Variants in DOCK10 observed in about 807,000 individuals in gnomAD.
DOCK10 encodes dedicator of cytokinesis 10, also known as dedicator of cytokinesis protein 10.
A neutral mutation model predicts 280.1 loss-of-function variants in DOCK10; 145 were observed. The ratio of observed to expected loss-of-function variants is 0.52; its 90% CI spans 0.45 to 0.59. The LOEUF (loss-of-function observed/expected upper bound fraction) is 0.59, where lower values mean the gene tolerates loss of function less well. Ranked by LOEUF, DOCK10 falls within the 20% of genes least tolerant of loss-of-function variation. The probability of loss-of-function intolerance (pLI) is 0.00; values close to 1 mark genes in which losing one functional copy is unlikely to be tolerated. For missense variants in DOCK10, 2,368 were observed against 2,651.7 expected, an observed-to-expected ratio of 0.89 and a Z score of 2.35; for synonymous variants, 915 against 942.2, an observed-to-expected ratio of 0.97 and a Z score of 0.53.
chr2:224,863,440 A>G (rs987299354), intron 13 of DOCK10, among the ~76,000 whole-genome samples: 1 of 152,028 alleles, frequency 6.6e-6, no homozygotes, highest in African/African-American at 2.4e-5. Flanking sequence ...ATAGACTTTT[A>G]ATATTTCTTT....
In DOCK10 at chr2:224,812,851, T is replaced by C. The variant is rs573777667; in HGVS notation, c.3409+1469A>G. 9.9e-5 allele frequency among the ~76,000 whole-genome samples: 15 copies of C among 152,270 alleles called. No homozygotes were observed. The East Asian group carries it at 2.9e-3, about 29-fold the overall frequency. On this transcript the variant is annotated intron_variant, in intron 31 of 55. Transcript: ENST00000258390. Reference sequence around the variant, plus strand: ...AGGGATGAAGCCCACTTGATCATGGTGGATAAGCTTTTTGATGTGCTGCTG... The same window carrying C: ...AGGGATGAAGCCCACTTGATCATGGCGGATAAGCTTTTTGATGTGCTGCTG...
chr2:224,841,700 G>C, intron 23 of DOCK10, 104 bp downstream of exon 23: 1 of 666,124 alleles, frequency 1.5e-6, no homozygotes, highest in Non-Finnish European at 2.7e-6. Context: ...AAAAAATCTT[G>C]AGTAATAATC....
rs374588088 is a variant in DOCK10 at position 224,834,170 on chromosome 2, T to C, written c.2944A>G (p.Thr982Ala). ...TGLLKSNDST[T>A]VKHVLKHSWF... Reference sequence around the variant, plus strand: ...CTTACCTTTAGGACATGCTTTACTGTTGTTGAGTCATTTGATTTCAAAAGA... The same window carrying C: ...CTTACCTTTAGGACATGCTTTACTGCTGTTGAGTCATTTGATTTCAAAAGA... The change falls in exon 26 of 56, where the codon ACA becomes GCA. Residue 982 changes from threonine (T) to alanine (A), a missense_variant. Coordinates refer to ENST00000258390, the MANE Select transcript of DOCK10 (RefSeq NM_014689.3). 3.2e-5 allele frequency: 51 copies of C among 1,610,412 alleles called. No homozygotes were observed. In the African/African-American group the frequency reaches 6.3e-4, roughly 20 times the overall value.
At chr2:224,961,474 T>TTCTTTTTCTC in intron 1 of DOCK10, among the ~76,000 whole-genome samples, 1 of 145,938 alleles carries the variant, frequency 6.9e-6, no homozygotes, top group African/African-American at 2.5e-5. Flanking sequence ...TTCTTTTTCT[T>TTCTTTTTCTC]TCTTTCTTTC....
intron 14 of DOCK10, among the ~76,000 whole-genome samples, chr2:224,858,515 G>T (rs1020556429): frequency 6.6e-6 from 1 of 152,100 alleles, no homozygotes; most frequent in African/African-American, 2.4e-5. Flanking sequence ...AAATTAGCCG[G>T]GCATGGTGGC....
chr2:225,035,563 T>G (rs1162781319), intron 1 of DOCK10, among the ~76,000 whole-genome samples: 811 of 55,912 alleles, frequency 0.015, 69 homozygotes, highest in Non-Finnish European at 0.022. Flanking sequence ...TATATATATA[T>G]ATATATATAT....
chr2:224,840,806 T>C (rs1695912617), intron 23 of DOCK10, among the ~76,000 whole-genome samples: 1 of 152,180 alleles, frequency 6.6e-6, no homozygotes, highest in South Asian at 2.1e-4. Context: ...AGATGTCTAT[T>C]CCCATCTTTA....
intron 23 of DOCK10, among the ~76,000 whole-genome samples, chr2:224,841,315 A>G (rs1442068437): frequency 6.6e-6 from 1 of 152,256 alleles, no homozygotes; most frequent in African/African-American, 2.4e-5. Flanking sequence ...AAGCTGTTAC[A>G]TAATGTATAC....
chr2:224,925,251 C>A (rs1655032277), intron 2 of DOCK10, among the ~76,000 whole-genome samples: 1 of 152,012 alleles, frequency 6.6e-6, no homozygotes, highest in Non-Finnish European at 1.5e-5. Context: ...AATCTTTCTG[C>A]TTCCTTTCCT....
chr2:225,019,182 G>A (rs947601666), intron 1 of DOCK10, among the ~76,000 whole-genome samples: 1 of 151,984 alleles, frequency 6.6e-6, no homozygotes, highest in Non-Finnish European at 1.5e-5. Context: ...TCTAGCATTT[G>A]GTCCTCAGGT....
At chr2:224,862,531 A>T (rs751904777) in intron 14 of DOCK10, 133 bp downstream of exon 14, 12 of 677,310 alleles carry the variant, frequency 1.8e-5, no homozygotes, top group Non-Finnish European at 2.9e-5. Context: ...ATGTTTATGA[A>T]GATGACCATA....
At chr2:224,941,855 A>AG (rs1376962226) in intron 1 of DOCK10, among the ~76,000 whole-genome samples, 2 of 152,056 alleles carry the variant, frequency 1.3e-5, no homozygotes, top group East Asian at 3.9e-4. Context: ...AAAAAAAAAA[A>AG]AAAAAGTTTA....
Position 224,770,131 on chromosome 2 carries a change from C to T in DOCK10, c.6444+80G>A. The T allele has an allele frequency of 3.6e-6, 5 of 1,395,280 alleles. No homozygotes were observed. The highest frequency in any genetic ancestry group is 4.7e-6 in the Non-Finnish European group (5 of 1,069,304). 86.4% of individuals were successfully genotyped at this position (1,395,280 alleles called of 1,614,324 possible). ...GTGATTTCTGCAGCAAGAAAAGGGCCTCTTTCCTGTCCTTCTGGCATTGGG... is the reference window on the plus strand; with the variant it reads ...GTGATTTCTGCAGCAAGAAAAGGGCTTCTTTCCTGTCCTTCTGGCATTGGG... On this transcript the variant is annotated intron_variant, in intron 55 of 55. Transcript: ENST00000258390. This position sits in a 1 kb window ranked among gnomAD's most constrained non-coding sequence, Gnocchi z 4.5.
intron 18 of DOCK10, 71 bp downstream of exon 18, chr2:224,852,306 T>G (rs1696798632): frequency 8.3e-7 from 1 of 1,202,484 alleles, no homozygotes; most frequent in African/African-American, 1.5e-5. Context: ...TAAAAAGCCC[T>G]GCAATGGTGG....
chr2:224,805,112 G>A lies in DOCK10; in HGVS notation c.4064C>T (p.Ala1355Val), dbSNP rs1693302013. Residue 1355 changes from alanine to valine, a missense_variant, in exon 37 of 56, where the codon GCC (alanine) becomes GTC (valine). This residue lies in a region of DOCK10 where 1,159 missense variants were observed against 1,400.8 expected (regional missense o/e 0.83). Coordinates refer to ENST00000258390, the MANE Select transcript of DOCK10 (RefSeq NM_014689.3). The surrounding 1 kb of genome is among the most constrained non-coding windows in gnomAD (Gnocchi z 4.3). ...TGGGCTGGGAGCTCTCTGCCAGTAGGCAATCAGAGTCTCTAAAAGGAAACA... is the reference window on the plus strand; with the variant it reads ...TGGGCTGGGAGCTCTCTGCCAGTAGACAATCAGAGTCTCTAAAAGGAAACA... Reference protein sequence around the residue: ...MKTISYETLIAYWQRAPSPEV... With the variant: ...MKTISYETLIVYWQRAPSPEV... 3.7e-6 allele frequency: 6 copies of A among 1,611,232 alleles called. No homozygotes were observed. The highest frequency in any genetic ancestry group is 5.1e-6 in the Non-Finnish European group (6 of 1,178,868).
At chr2:224,806,029 T>C (rs1246086460) in intron 34 of DOCK10, 97 bp downstream of exon 34, 4 of 679,214 alleles carry the variant, frequency 5.9e-6, no homozygotes, top group Admixed American at 3.0e-5. Context: ...ACGTAGATTA[T>C]GCATAATAAA....
chr2:224,767,562 T>C (rs1218537221), intron 55 of DOCK10, among the ~76,000 whole-genome samples: 6 of 152,196 alleles, frequency 3.9e-5, no homozygotes, highest in African/African-American at 1.4e-4. Context: ...TATAGGAGCA[T>C]TGTGACCTGA....
intron 7 of DOCK10, among the ~76,000 whole-genome samples, chr2:224,877,625 T>A (rs1241451005): frequency 6.6e-6 from 1 of 152,188 alleles, no homozygotes; most frequent in East Asian, 1.9e-4. Context: ...GATGAGTAGG[T>A]ACTTTAGATT....
intron 3 of DOCK10, among the ~76,000 whole-genome samples, chr2:224,900,550 C>T (rs938909529): frequency 5.9e-5 from 9 of 152,190 alleles, no homozygotes; most frequent in Non-Finnish European, 1.5e-5. Context: ...ATGAACCGCA[C>T]ATTTGGACCA....
Sources: allele counts gnomAD v4.1 joint callset (sites outside exome capture counted in the v4.1 genomes callset), GRCh38; gene constraint gnomAD v4.1.1; regional missense constraint gnomAD v4.1.1; non-coding constraint Gnocchi (gnomAD v3.1); transcripts MANE v1.5; gene names NCBI Gene and HGNC (gene_info 2026-07-23, HGNC 2026-07-21).